ANGPTL2: variants seen among roughly 807,000 people sequenced by gnomAD.
ANGPTL2 encodes angiopoietin-related protein 2.
A neutral mutation model predicts 52.8 loss-of-function variants in ANGPTL2; 25 were observed. The ratio of observed to expected loss-of-function variants is 0.47; its 90% CI spans 0.35 to 0.66. The LOEUF (loss-of-function observed/expected upper bound fraction) is 0.66, where lower values mean the gene tolerates loss of function less well. ANGPTL2 is among the 30% of genes least tolerant of loss of function. ANGPTL2 has a pLI of 0.01. For missense variants in ANGPTL2, 546 were observed against 656.9 expected (o/e 0.83, Z 1.84); for synonymous variants, 276 against 277.4 (o/e 1.00, Z 0.05).
intron 1 of ANGPTL2, among the ~76,000 whole-genome samples, chr9:127,113,633 G>A (rs907723651): frequency 6.6e-6 from 1 of 151,748 alleles, no homozygotes; most frequent in Non-Finnish European, 1.5e-5. Context: ...CTTGGCTTCA[G>A]AATTAAAATA....
At chr9:127,089,250 C>G (rs557365776) in intron 4 of ANGPTL2, 112 bp from the exon 5 acceptor site, 3 of 1,165,276 alleles carry the variant, frequency 2.6e-6, no homozygotes, top group Admixed American at 1.9e-5. Flanking sequence ...GGAGCAAGAA[C>G]GCTTGAAAGG....
rs1340388319 is a variant in ANGPTL2, at chr9:127,122,055, T to C, written c.-50+260A>G. On this transcript the variant is annotated intron_variant, in intron 1 of 4. Transcript: ENST00000373425. This position sits in a 1 kb window ranked among gnomAD's most constrained non-coding sequence, Gnocchi z 6.4. ...CGGCCGGCACCCCAAAGGCTCTTTG[T>C]CCAAAAGAGGAGAGTGAGGCTTACT... Among the ~76,000 whole-genome samples, 4 of 152,110 alleles carry C rather than the reference T, an allele frequency of 2.6e-5. No individual in the cohort carries two copies. The highest frequency in any genetic ancestry group is 5.9e-5 in the Non-Finnish European group (4 of 68,008).
Position 127,093,931 on chromosome 9 carries a change from G to C in ANGPTL2, c.818-5C>G. 6.2e-7 allele frequency: 1 copy of C among 1,613,216 alleles called. No individual in the cohort carries two copies. Among genetic ancestry groups the C allele is most frequent in the Non-Finnish European group, 8.5e-7 (1 of 1,179,934 alleles). Reference sequence around the variant, plus strand: ...GCAGGCAGTCTCTCCATGGGCCTGGGGACACAGACATGCATATACATCACA... The same window carrying C: ...GCAGGCAGTCTCTCCATGGGCCTGGCGACACAGACATGCATATACATCACA... On this transcript the variant is annotated splice_polypyrimidine_tract_variant and splice_region_variant and intron_variant, in intron 2 of 4. Transcript: ENST00000373425.
At position 127,108,556 on chromosome 9, in the gene ANGPTL2, A is replaced by G; in HGVS notation, c.176T>C (p.Ile59Thr). Residue 59 changes from isoleucine to threonine, a missense_variant, in exon 2 of 5, where the codon ATT becomes ACT. Physicochemically the swap from Ile to Thr is moderately conservative, Grantham distance 89 (BLOSUM62 -1). Coordinates refer to ENST00000373425, the MANE Select transcript of ANGPTL2 (RefSeq NM_012098.3). ...ACCCGTGACCCGCTGCTGGGGCACA[A>G]TGAAGGTGTAGGTGCACTTGTCCTG... is the stretch of plus-strand genomic sequence containing the variant. The part of the protein sequence containing the change: ...ESQDKCTYTF[I>T]VPQQRVTGAI... 5.0e-6 allele frequency: 8 copies of G among 1,613,422 alleles called. No individual in the cohort carries two copies. Among genetic ancestry groups the G allele is most frequent in the East Asian group, 2.2e-5 (1 of 44,812 alleles).
At chr9:127,113,034 T>C (rs1589552557) in intron 1 of ANGPTL2, among the ~76,000 whole-genome samples, 1 of 152,234 alleles carries the variant, frequency 6.6e-6, no homozygotes, top group Non-Finnish European at 1.5e-5. Context: ...ACTACATTGA[T>C]TCTGAGTCCT....
chr9:127,093,898 C>CA lies in ANGPTL2; in HGVS notation c.845dup (p.Glu283GlyfsTer46). 6.2e-7 allele frequency: 1 copy of CA among 1,614,022 alleles called. No individual in the cohort carries two copies. Among genetic ancestry groups the CA allele is most frequent in the Non-Finnish European group, 8.5e-7 (1 of 1,180,004 alleles). On this transcript the variant is annotated frameshift_variant, in exon 3 of 5. Coordinates refer to ENST00000373425, the MANE Select transcript of ANGPTL2 (RefSeq NM_012098.3). LOFTEE classifies it high-confidence loss of function. ...TGGAGCTGGTGTCGTGGCCATCCTCCAGGGCCTGCAGGCAGTCTCTCCATG... is the reference window on the plus strand; with the variant it reads ...TGGAGCTGGTGTCGTGGCCATCCTCCAAGGGCCTGCAGGCAGTCTCTCCATG...
chr9:127,104,886 G>A (rs919155432), intron 2 of ANGPTL2, among the ~76,000 whole-genome samples: 1 of 152,250 alleles, frequency 6.6e-6, no homozygotes, highest in Non-Finnish European at 1.5e-5. Flanking sequence ...TGTTGGGTAA[G>A]AGCACAGAAG....
chr9:127,095,456 G>A (rs1265361539), intron 2 of ANGPTL2, among the ~76,000 whole-genome samples: 1 of 152,202 alleles, frequency 6.6e-6, no homozygotes, highest in African/African-American at 2.4e-5. Flanking sequence ...GGACAAAAGT[G>A]CTAAGAAAGT....
intron 2 of ANGPTL2, among the ~76,000 whole-genome samples, chr9:127,099,628 G>T (rs1269596625): frequency 6.6e-6 from 1 of 152,190 alleles, no homozygotes; most frequent in Non-Finnish European, 1.5e-5. Flanking sequence ...CAGTTATTGG[G>T]GGTCTTCGAA....
At chr9:127,103,554 TAG>T (rs2053933984) in intron 2 of ANGPTL2, among the ~76,000 whole-genome samples, 1 of 152,180 alleles carries the variant, frequency 6.6e-6, no homozygotes, top group Non-Finnish European at 1.5e-5. Flanking sequence ...AATTAAAAAT[TAG>T]ACTTCAGTTG....
chr9:127,091,675 T>G lies in ANGPTL2; in HGVS notation c.1277A>C (p.Tyr426Ser). ...FTTLDRDHDV[Y>S]TGNCAHYQKG... Reference sequence around the variant, plus strand: ...TTTGACTCCACTTTTCCTACCTGTGTAGACATCATGATCTCTGTCCAGGGT... The same window carrying G: ...TTTGACTCCACTTTTCCTACCTGTGGAGACATCATGATCTCTGTCCAGGGT... Residue 426 changes from tyrosine to serine, a missense_variant, in exon 4 of 5, where the codon TAC (tyrosine) becomes TCC (serine). By Grantham distance (144) the Tyr-to-Ser change is moderately radical (BLOSUM62 -2). Around this residue, in one of 2 missense-constraint regions of ANGPTL2, gnomAD observed 261 missense variants for 361.0 expected, o/e 0.72. Transcript: ENST00000373425. The surrounding 1 kb of genome is among the most constrained non-coding windows in gnomAD (Gnocchi z 4.3). The G allele has an allele frequency of 1.2e-5, 20 of 1,613,638 alleles. No individual in the cohort carries two copies. Among genetic ancestry groups the G allele is most frequent in the Non-Finnish European group, 1.6e-5 (19 of 1,179,928 alleles).
rs2052794661 is a variant in ANGPTL2, at chr9:127,093,907, C to G, written c.837G>C (p.Leu279=). 6.2e-7 allele frequency: 1 copy of G among 1,613,912 alleles called. No homozygotes were observed. Among genetic ancestry groups the G allele is most frequent in the Non-Finnish European group, 8.5e-7 (1 of 1,179,984 alleles). The change falls in exon 3 of 5, where the codon CTG becomes CTC. Residue 279 remains leucine, a synonymous_variant. Transcript: ENST00000373425. ...TGTCGTGGCCATCCTCCAGGGCCTG[C>G]AGGCAGTCTCTCCATGGGCCTGGGG... The part of the protein sequence containing the change: ...DKPSGPWRDC[L]QALEDGHDTS...
Position 127,108,190 on chromosome 9 carries a change from T to A in ANGPTL2, c.542A>T (p.His181Leu), listed in dbSNP as rs1405304993. ...QLASKYKDLE[H>L]KYQHLATLAH... is the part of the protein sequence containing the mutation. ...CAGTGTGGCCAGGTGCTGGTACTTGTGCTCCAGGTCCTTGTACTTGCTGGC... is the reference window on the plus strand; with the variant it reads ...CAGTGTGGCCAGGTGCTGGTACTTGAGCTCCAGGTCCTTGTACTTGCTGGC... The change falls in exon 2 of 5, where the codon CAC becomes CTC. Residue 181 changes from histidine (H) to leucine (L), a missense_variant. His to Leu is a moderately conservative substitution (Grantham distance 99). Coordinates refer to ENST00000373425, the MANE Select transcript of ANGPTL2 (RefSeq NM_012098.3). 1.2e-6 allele frequency: 2 copies of A among 1,614,106 alleles called. No homozygotes were observed. Among genetic ancestry groups the A allele is most frequent in the Non-Finnish European group, 1.7e-6 (2 of 1,180,018 alleles).
chr9:127,121,664 G>A (rs767255435), intron 1 of ANGPTL2, among the ~76,000 whole-genome samples: 10 of 152,244 alleles, frequency 6.6e-5, no homozygotes, highest in African/African-American at 9.6e-5. Context: ...CAGGGAAGCC[G>A]CATCCTCCCT....
intron 2 of ANGPTL2, among the ~76,000 whole-genome samples, chr9:127,095,415 A>G (rs908322449): frequency 6.6e-6 from 1 of 152,222 alleles, no homozygotes; most frequent in African/African-American, 2.4e-5. Flanking sequence ...AAAAATAAAT[A>G]AATAAAAATC....
chr9:127,106,242 G>T (rs1159669352), intron 2 of ANGPTL2, among the ~76,000 whole-genome samples: 2 of 134,470 alleles, frequency 1.5e-5, no homozygotes, highest in Non-Finnish European at 3.5e-5. Flanking sequence ...CTGAGCCTTT[G>T]TTTGGTGCCC....
At position 127,108,298 on chromosome 9, in the gene ANGPTL2, A is replaced by C; in HGVS notation, c.434T>G (p.Ile145Ser). The change falls in exon 2 of 5, where the codon ATC becomes AGC. Residue 145 changes from isoleucine to serine, a missense_variant. By Grantham distance (142) the Ile-to-Ser change is moderately radical. Coordinates refer to ENST00000373425, the MANE Select transcript of ANGPTL2 (RefSeq NM_012098.3). ...TQLYMQLLHE[I>S]IRKRDNALEL... ...CAACGCGTTGTCCCGCTTGCGGATG[A>C]TCTCGTGCAGGAGCTGCATGTAGAG... 6.2e-7 allele frequency: 1 copy of C among 1,613,552 alleles called. No homozygotes were observed.
At chr9:127,120,176 T>C (rs1431857347) in intron 1 of ANGPTL2, among the ~76,000 whole-genome samples, 1 of 152,164 alleles carries the variant, frequency 6.6e-6, no homozygotes, top group Non-Finnish European at 1.5e-5. Flanking sequence ...ATCCTCCTGA[T>C]TTTGTGAGCT....
intron 2 of ANGPTL2, among the ~76,000 whole-genome samples, chr9:127,102,088 A>C (rs980077734): frequency 6.6e-6 from 1 of 152,130 alleles, no homozygotes; most frequent in African/African-American, 2.4e-5. Context: ...GATCATCTCC[A>C]GTGTTCCCAT....
Sources: allele counts gnomAD v4.1 joint callset (sites outside exome capture counted in the v4.1 genomes callset), GRCh38; gene constraint gnomAD v4.1.1; regional missense constraint gnomAD v4.1.1; non-coding constraint Gnocchi (gnomAD v3.1); transcripts MANE v1.5; gene names NCBI Gene and HGNC (gene_info 2026-07-23, HGNC 2026-07-21).